Variants in GALK2 observed in about 807,000 individuals in gnomAD.
GALK2 encodes the protein N-acetylgalactosamine kinase.
In GALK2, 36 loss-of-function variants were observed where a neutral mutation model predicts 52.4. The ratio of observed to expected loss-of-function variants is 0.69; its 90% confidence interval spans 0.53 to 0.91. The LOEUF (loss-of-function observed/expected upper bound fraction) is 0.91, where lower values mean the gene tolerates loss of function less well. Ranked by LOEUF, GALK2 falls within the 40% of genes least tolerant of loss-of-function variation. The pLI is 0.00. For missense variants in GALK2, 579 were observed against 559.1 expected, an observed-to-expected ratio of 1.04 and a Z score of -0.36; for synonymous variants, 176 against 199.1, an observed-to-expected ratio of 0.88 and a Z score of 0.98.
At chr15:49,264,528 G>A (rs118164146) in intron 5 of GALK2, among the ~76,000 whole-genome samples, 2 of 152,080 alleles carry the variant, frequency 1.3e-5, no homozygotes, top group African/African-American at 2.4e-5. Flanking sequence ...TCCTCCCAAC[G>A]TAGCTCAGAG....
intron 5 of GALK2, 51 bp from the exon 6 acceptor site, chr15:49,281,936 G>A (rs1332049118): frequency 2.3e-6 from 3 of 1,323,030 alleles, no homozygotes; most frequent in Non-Finnish European, 3.2e-6. Context: ...AGAAATGAAT[G>A]AGAAATGGGT....
chr15:49,281,683 G>A (rs1369264728), intron 5 of GALK2, among the ~76,000 whole-genome samples: 1 of 152,202 alleles, frequency 6.6e-6, no homozygotes, highest in African/African-American at 2.4e-5. Context: ...TACCAGTCTA[G>A]GGAAGGATAG....
chr15:49,195,150 C>T (rs1237690326), intron 1 of GALK2: 2 of 450,436 alleles, frequency 4.4e-6, no homozygotes, highest in South Asian at 3.1e-5. Flanking sequence ...TGGCTCACTG[C>T]AACCTCCGCC....
rs2038714491 is a variant in GALK2, at chr15:49,331,357, T to G, written c.*3198T>G. On this transcript the variant is annotated 3_prime_UTR_variant, in exon 10 of 10. Coordinates refer to ENST00000560031, the MANE Select transcript of GALK2 (RefSeq NM_002044.4). Reference sequence around the variant, plus strand: ...GAACAGGCTCCTTTCTTTTCTTTCTTTCTCATACTTGAGTCCTGTTTAGAA... The same window carrying G: ...GAACAGGCTCCTTTCTTTTCTTTCTGTCTCATACTTGAGTCCTGTTTAGAA... The G allele has an allele frequency of 6.5e-6, 1 of 154,222 alleles. No individual in the cohort carries two copies. The highest frequency in any genetic ancestry group is 6.5e-5 in the Admixed American group (1 of 15,436). The allele number at this position is 154,222 out of a possible 1,614,324, so 9.6% of individuals were successfully genotyped here.
At chr15:49,364,876 C>G (rs1397805516) in intron 3 of GALK2, among the ~76,000 whole-genome samples, 1 of 151,512 alleles carries the variant, frequency 6.6e-6, no homozygotes, top group Non-Finnish European at 1.5e-5. Context: ...GAAAAATATA[C>G]TCTATGTAAT....
At chr15:49,212,545 T>A (rs2089008246) in intron 2 of GALK2, among the ~76,000 whole-genome samples, 1 of 152,190 alleles carries the variant, frequency 6.6e-6, no homozygotes, top group African/African-American at 2.4e-5. Context: ...CTACTAATTC[T>A]GCATTTCATT....
chr15:49,181,790 C>G (rs1033435568), intron 1 of GALK2, among the ~76,000 whole-genome samples: 7 of 151,982 alleles, frequency 4.6e-5, no homozygotes, highest in East Asian at 3.9e-4. Flanking sequence ...ATTCCCCAAA[C>G]TTAACATTTT....
intron 3 of GALK2, chr15:49,365,904 C>T: frequency 2.1e-6 from 2 of 969,916 alleles, no homozygotes; most frequent in East Asian, 2.4e-5. Flanking sequence ...GAGAGTTGTA[C>T]AGACTCATTG....
rs552733588 is a variant in GALK2 at position 49,352,564 on chromosome 15, C to T, written c.427-14927C>T. Among the ~76,000 whole-genome samples, 6 of 152,208 alleles carry T rather than the reference C, an allele frequency of 3.9e-5. No individual in the cohort carries two copies. In the South Asian group the frequency reaches 6.2e-4, roughly 16 times the overall value. On this transcript the variant is annotated intron_variant, in intron 3 of 3. Transcript: ENST00000558399. Reference sequence around the variant, plus strand: ...ATTTTTCTTTATCTAGGCTTCAGAGCGCCTACCATATGTATTTTCCTATTC... The same window carrying T: ...ATTTTTCTTTATCTAGGCTTCAGAGTGCCTACCATATGTATTTTCCTATTC...
chr15:49,229,638 G>T (rs918621767), intron 3 of GALK2, among the ~76,000 whole-genome samples: 1 of 152,082 alleles, frequency 6.6e-6, no homozygotes, highest in Admixed American at 6.5e-5. Flanking sequence ...CTGGCAGGGC[G>T]GGCCTATCCT....
In GALK2 at chr15:49,235,792, T is replaced by C. The variant is rs73392269; in HGVS notation, c.267-59T>C. On this transcript the variant is annotated intron_variant, in intron 3 of 9. Transcript: ENST00000560031. The stretch of plus-strand genomic sequence containing the variant: ...GGCACAAGATGGCAGCAGTCATCCA[T>C]TGATTTTGCAGCTCAAGGCCTACAG... The C allele has an allele frequency of 2.4e-3, 2,561 of 1,084,400 alleles. 45 individuals carry two copies. In the African/African-American group the frequency reaches 0.036, roughly 15 times the overall value. 67.2% of individuals were successfully genotyped at this position (1,084,400 alleles called of 1,614,324 possible).
chr15:49,207,576 TA>T (rs1005071596), intron 2 of GALK2, among the ~76,000 whole-genome samples: 3 of 152,150 alleles, frequency 2.0e-5, no homozygotes, highest in Non-Finnish European at 4.4e-5. Flanking sequence ...TGATTTAAGC[TA>T]GGAGGGTTGT....
chr15:49,364,733 A>G (rs1012837405), intron 3 of GALK2, among the ~76,000 whole-genome samples: 1 of 152,176 alleles, frequency 6.6e-6, no homozygotes, highest in African/African-American at 2.4e-5. Context: ...AGCAGATAAA[A>G]TTTGCATAAT....
chr15:49,179,940 A>G (rs2085831561), intron 1 of GALK2, among the ~76,000 whole-genome samples: 2 of 152,080 alleles, frequency 1.3e-5, no homozygotes, highest in Admixed American at 1.3e-4. Flanking sequence ...GAAGTTTAGA[A>G]AAACACTGTA....
At chr15:49,309,469 G>A (rs745848377) in intron 8 of GALK2, among the ~76,000 whole-genome samples, 5 of 152,006 alleles carry the variant, frequency 3.3e-5, no homozygotes, top group Non-Finnish European at 5.9e-5. Context: ...TGACAATTGT[G>A]CATATTTATA....
At chr15:49,276,036 C>G (rs2031601593) in intron 5 of GALK2, among the ~76,000 whole-genome samples, 1 of 152,132 alleles carries the variant, frequency 6.6e-6, no homozygotes, top group Non-Finnish European at 1.5e-5. Context: ...TCCTAACTGT[C>G]CAGAGGGCAG....
chr15:49,247,287 C>T (rs1374309147), intron 5 of GALK2, among the ~76,000 whole-genome samples: 1 of 152,082 alleles, frequency 6.6e-6, no homozygotes, highest in Non-Finnish European at 1.5e-5. Context: ...TGTGTAGCAT[C>T]TTCTTTGGCT....
intron 3 of GALK2, among the ~76,000 whole-genome samples, chr15:49,367,208 T>A (rs2045357428): frequency 6.6e-6 from 1 of 152,186 alleles, no homozygotes; most frequent in South Asian, 2.1e-4. Flanking sequence ...ATACTAGTTT[T>A]AAAAGTTCTT....
chr15:49,258,555 A>G (rs1446566678), intron 5 of GALK2, among the ~76,000 whole-genome samples: 1 of 152,064 alleles, frequency 6.6e-6, no homozygotes, highest in Non-Finnish European at 1.5e-5. Flanking sequence ...GCAGAGAAGG[A>G]AACTTACATG....
Sources: gnomAD v4.1 joint callset for allele counts (sites outside exome capture counted in the v4.1 genomes callset) on GRCh38, gnomAD v4.1.1 for gene constraint, MANE v1.5 for transcripts, NCBI Gene and HGNC (gene_info 2026-07-23, HGNC 2026-07-21) for gene names.